UBE2Q2: variants seen among roughly 807,000 people sequenced by gnomAD.
The protein encoded by UBE2Q2 is ubiquitin conjugating enzyme E2 Q2.
In UBE2Q2, 54 loss-of-function variants were observed where a neutral mutation model predicts 59.9. The observed-to-expected ratio is 0.90, with a 90% confidence interval of 0.72 to 1.13. UBE2Q2 has a LOEUF of 1.13. Among genes scored for constraint, UBE2Q2 ranks in the 50% most tolerant of loss-of-function variants. The pLI is 0.00. For synonymous variants in UBE2Q2, 165 were observed against 155.2 expected, an observed-to-expected ratio of 1.06 and a Z score of -0.47; for missense variants, 433 against 441.9, an observed-to-expected ratio of 0.98 and a Z score of 0.18.
chr15:75,844,032 G>A (rs989379229), intron 1 of UBE2Q2, 186 bp downstream of exon 1: 44 of 1,408,796 alleles, frequency 3.1e-5, no homozygotes, highest in African/African-American at 3.0e-4. Context: ...TGGGTGGGAG[G>A]AGGCGGAGGG....
chr15:75,883,171 C>G (rs1898538350), intron 8 of UBE2Q2, among the ~76,000 whole-genome samples, 195 bp from the exon 9 acceptor site: 1 of 151,944 alleles, frequency 6.6e-6, no homozygotes, highest in South Asian at 2.1e-4. Flanking sequence ...TAATGCTGTT[C>G]TGTTTGGGCC....
rs1896157647 is a variant in UBE2Q2 at position 75,843,842 on chromosome 15, T to A, written c.176T>A (p.Ile59Asn). ...CCGCCACTCACGCTCCACTGCAACA[T>A]CACGGTGAGGCGCCCGGCCGCGGCC... ...LPPPLTLHCN[I>N]TESYPSSSPI... is the part of the protein sequence containing the mutation. The change falls in exon 1 of 13, where the codon ATC (isoleucine) becomes AAC (asparagine). Residue 59 changes from isoleucine (I) to asparagine (N), a missense_variant. Coordinates refer to ENST00000267938, the MANE Select transcript of UBE2Q2 (RefSeq NM_173469.4). 3 of 1,579,854 alleles carry A rather than the reference T, an allele frequency of 1.9e-6. No individual in the cohort carries two copies. The highest frequency in any genetic ancestry group is 1.4e-5 in the African/African-American group (1 of 71,878).
At chr15:75,850,799 A>C (rs753082162) in intron 1 of UBE2Q2, among the ~76,000 whole-genome samples, 5 of 152,178 alleles carry the variant, frequency 3.3e-5, no homozygotes, top group African/African-American at 7.2e-5. Context: ...TTCAGCACTT[A>C]AGGGCTTTGG....
At chr15:75,872,205 G>C (rs1189074091) in intron 4 of UBE2Q2, among the ~76,000 whole-genome samples, 1 of 151,912 alleles carries the variant, frequency 6.6e-6, no homozygotes, top group Non-Finnish European at 1.5e-5. Context: ...TCCAGCCGGG[G>C]CAACGGAGCG....
At chr15:75,896,963 C>T (rs1899459257) in intron 11 of UBE2Q2, 32 bp from the exon 12 acceptor site, 2 of 1,403,340 alleles carry the variant, frequency 1.4e-6, no homozygotes, top group Non-Finnish European at 2.0e-6. Context: ...CCTAATTACA[C>T]TTTTGATTTA....
chr15:75,872,242 T>A (rs1595879141), intron 4 of UBE2Q2, among the ~76,000 whole-genome samples: 1 of 149,078 alleles, frequency 6.7e-6, no homozygotes, highest in Admixed American at 6.7e-5. Flanking sequence ...AATAAAAAAA[T>A]AAACCCAAAA....
rs1896799637 is a variant in UBE2Q2 at position 75,854,441 on chromosome 15, T to C, written c.236T>C (p.Leu79Pro). 6.2e-7 allele frequency: 1 copy of C among 1,613,474 alleles called. No homozygotes were observed. Among genetic ancestry groups the C allele is most frequent in the South Asian group, 1.1e-5 (1 of 91,038 alleles). ...TTTGTGGATTCTGAAGACCCAAATC[T>C]GACATCAGTTCTGGAACGTCTAGAA... is the stretch of plus-strand genomic sequence containing the variant. ...IWFVDSEDPN[L>P]TSVLERLEDT... The change falls in exon 2 of 13, where the codon CTG becomes CCG. Residue 79 changes from leucine (L) to proline (P), a missense_variant. Coordinates refer to ENST00000267938, the MANE Select transcript of UBE2Q2 (RefSeq NM_173469.4).
At chr15:75,875,183 A>G (rs770875667) in intron 5 of UBE2Q2, among the ~76,000 whole-genome samples, 6 of 152,220 alleles carry the variant, frequency 3.9e-5, no homozygotes, top group Non-Finnish European at 5.9e-5. Context: ...TATACTTCAC[A>G]TATCTTCACA....
chr15:75,866,365 GA>G (rs372089370), intron 3 of UBE2Q2, among the ~76,000 whole-genome samples: 499 of 152,084 alleles, frequency 3.3e-3, no homozygotes, highest in African/African-American at 0.011. Flanking sequence ...TTTTTGTAGA[GA>G]TGTGTTTTCA....
At chr15:75,860,954 T>G (rs939143152) in intron 3 of UBE2Q2, among the ~76,000 whole-genome samples, 2 of 152,262 alleles carry the variant, frequency 1.3e-5, no homozygotes, top group African/African-American at 4.8e-5. Context: ...TGAAAAATAC[T>G]GTCCAGTGTT....
At chr15:75,844,236 C>T (rs965768992) in intron 1 of UBE2Q2, 2 of 1,488,274 alleles carry the variant, frequency 1.3e-6, no homozygotes, top group Middle Eastern at 4.9e-4. Context: ...TTGTTTGAGC[C>T]CAGGCCGGCA....
chr15:75,844,130 G>A, intron 1 of UBE2Q2: 1 of 1,413,470 alleles, frequency 7.1e-7, no homozygotes, highest in Non-Finnish European at 9.2e-7. Context: ...GGGGGAGTCC[G>A]CGGCGGCCCA....
intron 3 of UBE2Q2, among the ~76,000 whole-genome samples, chr15:75,861,295 G>A (rs1177658078): frequency 6.6e-6 from 1 of 152,192 alleles, no homozygotes; most frequent in Admixed American, 6.5e-5. Flanking sequence ...GAATTTCAAA[G>A]TCTATGCTGT....
At chr15:75,879,643 T>A (rs890199055) in intron 8 of UBE2Q2, among the ~76,000 whole-genome samples, 9 of 152,084 alleles carry the variant, frequency 5.9e-5, no homozygotes, top group African/African-American at 2.2e-4. Context: ...ATCTTTAGAG[T>A]GAAAACAATC....
chr15:75,843,545 G>A lies in UBE2Q2; in HGVS notation c.-122G>A, dbSNP rs1896127356. The A allele has an allele frequency of 1.6e-6, 1 of 619,114 alleles. No homozygotes were observed. The allele number at this position is 619,114 out of a possible 1,614,324, so 38.4% of individuals were successfully genotyped here. On this transcript the variant is annotated 5_prime_UTR_variant, in exon 1 of 13. Transcript: ENST00000267938. The stretch of plus-strand genomic sequence containing the variant: ...CAGCAGCGCTCGACGAGGCGGAGCC[G>A]CGAGAGCGCGGCCCAGGCCGGCCCC...
intron 3 of UBE2Q2, among the ~76,000 whole-genome samples, chr15:75,868,239 C>T (rs1293023428): frequency 6.6e-6 from 1 of 152,112 alleles, no homozygotes; most frequent in Non-Finnish European, 1.5e-5. Flanking sequence ...GTTAAAGATG[C>T]ATGTATAAAC....
chr15:75,868,347 T>G (rs1225262410), intron 3 of UBE2Q2, among the ~76,000 whole-genome samples: 1 of 152,234 alleles, frequency 6.6e-6, no homozygotes, highest in East Asian at 1.9e-4. Context: ...CTTGATAAAT[T>G]GTAAATTGTG....
In UBE2Q2 at chr15:75,899,542, A is replaced by AT. The variant is rs1014005570; in HGVS notation, c.*86dup. The stretch of plus-strand genomic sequence containing the variant: ...GCAGACAAAAGCTTTGAGTGCCCCT[A>AT]TTACAGCAGTACCGAAGATGTTAGT... On this transcript the variant is annotated 3_prime_UTR_variant, in exon 13 of 13. Coordinates refer to ENST00000267938, the MANE Select transcript of UBE2Q2 (RefSeq NM_173469.4). 4.5e-6 allele frequency: 5 copies of AT among 1,107,142 alleles called. No individual in the cohort carries two copies. In the African/African-American group the frequency reaches 7.9e-5, roughly 17 times the overall value. The allele number at this position is 1,107,142 out of a possible 1,614,324, so 68.6% of individuals were successfully genotyped here. A position where few individuals can be genotyped will look rare whatever the true frequency, so the allele number is the denominator to read the frequency against.
intron 5 of UBE2Q2, 99 bp from the exon 6 acceptor site, chr15:75,876,083 ATGTTG>A: frequency 1.8e-6 from 2 of 1,130,674 alleles, no homozygotes; most frequent in Non-Finnish European, 2.5e-6. Context: ...AAAAAAAAAA[ATGTTG>A]AGTGGTGATC....
Sources: allele counts gnomAD v4.1 joint callset (sites outside exome capture counted in the v4.1 genomes callset), GRCh38; gene constraint gnomAD v4.1.1; transcripts MANE v1.5; gene names NCBI Gene and HGNC (gene_info 2026-07-23, HGNC 2026-07-21).